KCNQ1OT1: variants seen among roughly 807,000 people sequenced by gnomAD.
KCNQ1OT1 encodes KCNQ1 antisense RNA 2 (non-protein coding).
rs1589989449 is a variant in KCNQ1OT1, at chr11:2,626,342, C to T, written n.73653G>A. 5.0e-6 allele frequency: 2 copies of T among 398,474 alleles called. No individual in the cohort carries two copies. The highest frequency in any genetic ancestry group is 4.1e-5 in the African/African-American group (2 of 48,634). The allele number at this position is 398,474 out of a possible 1,614,324, so 24.7% of individuals were successfully genotyped here. ...TGGTATTAGGTAAGGGTCTCAACTT[C>T]AGTTATCCTGGCACCATTTGTTGAA... is the stretch of plus-strand genomic sequence containing the variant. On this transcript the variant is annotated non_coding_transcript_exon_variant, in exon 1 of 1. Transcript: ENST00000597346. The surrounding 1 kb of genome is among the most constrained non-coding windows in gnomAD (Gnocchi z 4.0).
chr11:2,656,003 C>G (rs767394530), exon 1 of KCNQ1OT1: 1 of 398,630 alleles, frequency 2.5e-6, no homozygotes, highest in Non-Finnish European at 4.4e-6. Flanking sequence ...ATTTTAATTT[C>G]CTAAAACACC....
chr11:2,613,789 C>T lies in KCNQ1OT1; in HGVS notation n.86206G>A. 1 of 398,542 alleles carries T rather than the reference C, an allele frequency of 2.5e-6. No homozygotes were observed. The allele number at this position is 398,542 out of a possible 1,614,324, so 24.7% of individuals were successfully genotyped here. ...AGAAATCTTCCTCTCACCCATATCT[C>T]TTCCATCCTAATTCCCCCTACCCAT... is the stretch of plus-strand genomic sequence containing the variant. On this transcript the variant is annotated non_coding_transcript_exon_variant, in exon 1 of 1. Coordinates refer to ENST00000597346, the Ensembl canonical transcript of KCNQ1OT1. This position sits in a 1 kb window ranked among gnomAD's most constrained non-coding sequence, Gnocchi z 4.8.
chr11:2,692,943 C>A (rs1590036355), exon 1 of KCNQ1OT1: 3 of 398,680 alleles, frequency 7.5e-6, no homozygotes. Flanking sequence ...GGTTGTCCTG[C>A]CCATACGCTC....
At chr11:2,628,843 G>A (rs1338866083) in exon 1 of KCNQ1OT1, 1 of 397,990 alleles carries the variant, frequency 2.5e-6, no homozygotes, top group Non-Finnish European at 4.4e-6. Context: ...GGATATCCTG[G>A]TTTCACAGTG....
At chr11:2,649,319 T>C in exon 1 of KCNQ1OT1, 1 of 398,530 alleles carries the variant, frequency 2.5e-6, no homozygotes, top group Non-Finnish European at 4.4e-6. Flanking sequence ...TTTTTTGGTT[T>C]TCTGTAGTGA....
At position 2,627,131 on chromosome 11, in the gene KCNQ1OT1, C is replaced by G; in HGVS notation, n.72864G>C. ...TGTAATTTTCATTGTACAAGACTTT[C>G]ACCTCCTTGGTAAAGTTGGTTCCTA... On this transcript the variant is annotated non_coding_transcript_exon_variant, in exon 1 of 1. Coordinates refer to ENST00000597346, the Ensembl canonical transcript of KCNQ1OT1. This position sits in a 1 kb window ranked among gnomAD's most constrained non-coding sequence, Gnocchi z 4.9. 1 of 398,474 alleles carries G rather than the reference C, an allele frequency of 2.5e-6. No individual in the cohort carries two copies. Among genetic ancestry groups the G allele is most frequent in the Non-Finnish European group, 4.4e-6 (1 of 226,032 alleles). The allele number at this position is 398,474 out of a possible 1,614,324, so 24.7% of individuals were successfully genotyped here. A position where few individuals can be genotyped will look rare whatever the true frequency, so the allele number is the denominator to read the frequency against.
exon 1 of KCNQ1OT1, chr11:2,640,949 A>G (rs1423887174): frequency 5.0e-6 from 2 of 398,904 alleles, no homozygotes; most frequent in African/African-American, 4.1e-5. Context: ...TGCCTGGCTT[A>G]AAATAATGAC....
exon 1 of KCNQ1OT1, chr11:2,680,330 A>AT: frequency 2.5e-6 from 1 of 398,172 alleles, no homozygotes; most frequent in Non-Finnish European, 4.4e-6. Context: ...ACCTCAAAAA[A>AT]AAAGTCTTTC....
rs1850353737 is a variant in KCNQ1OT1, at chr11:2,679,625, C to T, written n.20370G>A. 5.0e-6 allele frequency: 2 copies of T among 398,578 alleles called. No individual in the cohort carries two copies. The highest frequency in any genetic ancestry group is 7.1e-5 in the East Asian group (2 of 28,082). The allele number at this position is 398,578 out of a possible 1,614,324, so 24.7% of individuals were successfully genotyped here. ...GGCGAGTTGGAATGAATAGTATCAG[C>T]ATCAGAAAAAATACAAGTGCATCCT... On this transcript the variant is annotated non_coding_transcript_exon_variant, in exon 1 of 1. Coordinates refer to ENST00000597346, the Ensembl canonical transcript of KCNQ1OT1. This position sits in a 1 kb window ranked among gnomAD's most constrained non-coding sequence, Gnocchi z 4.8.
At position 2,653,123 on chromosome 11, in the gene KCNQ1OT1, G is replaced by A; in HGVS notation, n.46872C>T. On this transcript the variant is annotated non_coding_transcript_exon_variant, in exon 1 of 1. Coordinates refer to ENST00000597346, the Ensembl canonical transcript of KCNQ1OT1. This position sits in a 1 kb window ranked among gnomAD's most constrained non-coding sequence, Gnocchi z 5.3. ...GCTCACTGAAGGTTTGGGGAGATGA[G>A]GACTTGCATCACAGCAGTAGAAAGC... The A allele has an allele frequency of 7.5e-6, 3 of 398,738 alleles. No individual in the cohort carries two copies. In the South Asian group the frequency reaches 3.8e-4, roughly 51 times the overall value. 24.7% of individuals were successfully genotyped at this position (398,738 alleles called of 1,614,324 possible).
In KCNQ1OT1 at chr11:2,673,279, C is replaced by G. The variant is rs553305164; in HGVS notation, n.26716G>C. On this transcript the variant is annotated non_coding_transcript_exon_variant, in exon 1 of 1. Coordinates refer to ENST00000597346, the Ensembl canonical transcript of KCNQ1OT1. The surrounding 1 kb of genome is among the most constrained non-coding windows in gnomAD (Gnocchi z 4.5). The stretch of plus-strand genomic sequence containing the variant: ...ACTGCAAAGCCTCAGCCACCTTCTC[C>G]CCTAGAAGAAATCTTGAGAGAAACA... 1 of 398,734 alleles carries G rather than the reference C, an allele frequency of 2.5e-6. No individual in the cohort carries two copies. Among genetic ancestry groups the G allele is most frequent in the African/African-American group, 2.1e-5 (1 of 48,758 alleles). 24.7% of individuals were successfully genotyped at this position (398,734 alleles called of 1,614,324 possible).
chr11:2,628,178 C>T (rs1849290965), exon 1 of KCNQ1OT1: 1 of 398,602 alleles, frequency 2.5e-6, no homozygotes, highest in East Asian at 3.6e-5. Flanking sequence ...GATCATATAG[C>T]AGTTCCAATT....
chr11:2,624,369 C>A lies in KCNQ1OT1; in HGVS notation n.75626G>T, dbSNP rs1849228101. 1 of 398,472 alleles carries A rather than the reference C, an allele frequency of 2.5e-6. No individual in the cohort carries two copies. Among genetic ancestry groups the A allele is most frequent in the Non-Finnish European group, 4.4e-6 (1 of 226,010 alleles). 24.7% of individuals were successfully genotyped at this position (398,472 alleles called of 1,614,324 possible). ...GTATTGTCTCCCTTCTGTGGCCTGTCCTTTCATCCTCTTGACAGTATGTTT... is the reference window on the plus strand; with the variant it reads ...GTATTGTCTCCCTTCTGTGGCCTGTACTTTCATCCTCTTGACAGTATGTTT... On this transcript the variant is annotated non_coding_transcript_exon_variant, in exon 1 of 1. Transcript: ENST00000597346. The surrounding 1 kb of genome is among the most constrained non-coding windows in gnomAD (Gnocchi z 4.9).
At position 2,690,109 on chromosome 11, in the gene KCNQ1OT1, T is replaced by C. The variant is rs1850563969; in HGVS notation, n.9886A>G. 2.5e-6 allele frequency: 1 copy of C among 398,698 alleles called. No homozygotes were observed. The highest frequency in any genetic ancestry group is 4.4e-6 in the Non-Finnish European group (1 of 226,332). 24.7% of individuals were successfully genotyped at this position (398,698 alleles called of 1,614,324 possible). On this transcript the variant is annotated non_coding_transcript_exon_variant, in exon 1 of 1. Coordinates refer to ENST00000597346, the Ensembl canonical transcript of KCNQ1OT1. The surrounding 1 kb of genome is among the most constrained non-coding windows in gnomAD (Gnocchi z 5.1). ...AGCAGGGACAATCGCTCTTCCGGGG[T>C]TAGAACTGGGGGAGCAGGGACAAAA...
rs1394878341 is a variant in KCNQ1OT1, at chr11:2,669,364, G to A, written n.30631C>T. On this transcript the variant is annotated non_coding_transcript_exon_variant, in exon 1 of 1. Transcript: ENST00000597346. This position sits in a 1 kb window ranked among gnomAD's most constrained non-coding sequence, Gnocchi z 5.6. ...CCTCTAGATGGGCATGGGAGAATGGGTATCCTTATAGTTTTGGGGCTCCTG... is the reference window on the plus strand; with the variant it reads ...CCTCTAGATGGGCATGGGAGAATGGATATCCTTATAGTTTTGGGGCTCCTG... The A allele has an allele frequency of 1.5e-5, 6 of 398,494 alleles. No individual in the cohort carries two copies. In the East Asian group the frequency reaches 1.8e-4, roughly 12 times the overall value. The allele number at this position is 398,494 out of a possible 1,614,324, so 24.7% of individuals were successfully genotyped here. A position where few individuals can be genotyped will look rare whatever the true frequency, so the allele number is the denominator to read the frequency against.
exon 1 of KCNQ1OT1, chr11:2,667,745 G>C: frequency 2.5e-6 from 1 of 398,750 alleles, no homozygotes; most frequent in Non-Finnish European, 4.4e-6. Context: ...GAGTGGGATG[G>C]GGCTGGGCCT....
At position 2,663,912 on chromosome 11, in the gene KCNQ1OT1, G is replaced by A. The variant is rs1318941330; in HGVS notation, n.36083C>T. 2.5e-6 allele frequency: 1 copy of A among 398,568 alleles called. No individual in the cohort carries two copies. The allele number at this position is 398,568 out of a possible 1,614,324, so 24.7% of individuals were successfully genotyped here. A position where few individuals can be genotyped will look rare whatever the true frequency, so the allele number is the denominator to read the frequency against. ...AAGCCAGTGTGGCTGTGTCATCTAG[G>A]ACACTGGGCTGTTTCTTGTTCCACT... On this transcript the variant is annotated non_coding_transcript_exon_variant, in exon 1 of 1. Transcript: ENST00000597346. The surrounding 1 kb of genome is among the most constrained non-coding windows in gnomAD (Gnocchi z 5.2).
rs1243083717 is a variant in KCNQ1OT1, at chr11:2,612,149, A to G, written n.87846T>C. 1.3e-5 allele frequency: 5 copies of G among 398,632 alleles called. No homozygotes were observed. Among genetic ancestry groups the G allele is most frequent in the Non-Finnish European group, 2.2e-5 (5 of 226,066 alleles). 24.7% of individuals were successfully genotyped at this position (398,632 alleles called of 1,614,324 possible). On this transcript the variant is annotated non_coding_transcript_exon_variant, in exon 1 of 1. Coordinates refer to ENST00000597346, the Ensembl canonical transcript of KCNQ1OT1. The surrounding 1 kb of genome is among the most constrained non-coding windows in gnomAD (Gnocchi z 5.5). ...CTGGTACCAGTCTGTGGCCTATTAG[A>G]AACTGGGCTACACAGCAGGAGGTGA...
chr11:2,662,562 G>A (rs996867497), exon 1 of KCNQ1OT1: 3 of 427,490 alleles, frequency 7.0e-6, no homozygotes, highest in African/African-American at 4.0e-5. Flanking sequence ...CTTCCCCTGA[G>A]GCACAGCTGG....
Sources: gnomAD v4.1 joint callset for allele counts on GRCh38, gnomAD v4.1.1 for gene constraint, Gnocchi (gnomAD v3.1) non-coding constraint, MANE v1.5 for transcripts, NCBI Gene and HGNC (gene_info 2026-07-23, HGNC 2026-07-21) for gene names.